The following BLMH variants were observed in gnomAD, a reference collection of about 807,000 sequenced individuals.
BLMH encodes the protein BLM hydrolase.
Under a neutral mutation model 61.6 loss-of-function variants are expected in BLMH, and 32 were observed. The ratio of observed to expected loss-of-function variants is 0.52; its 90% CI spans 0.39 to 0.70. BLMH has a LOEUF of 0.70. Ranked by LOEUF, BLMH falls within the 30% of genes least tolerant of loss-of-function variation. The pLI, the probability that BLMH is intolerant of heterozygous loss-of-function variation, is 0.00. For synonymous variants in BLMH, 183 were observed against 193.8 expected (o/e 0.94, Z 0.46); for missense variants, 460 against 555.5 (o/e 0.83, Z 1.73).
intron 4 of BLMH, 70 bp downstream of exon 4, chr17:30,287,736 T>G: frequency 1.3e-6 from 2 of 1,555,888 alleles, no homozygotes; most frequent in Non-Finnish European, 1.8e-6. Context: ...ACCAAAGAAT[T>G]GGCCCATGCC....
chr17:30,275,905 C>T (rs1908409675), intron 6 of BLMH, among the ~76,000 whole-genome samples: 1 of 152,160 alleles, frequency 6.6e-6, no homozygotes, highest in African/African-American at 2.4e-5. Flanking sequence ...CTATCACATT[C>T]AACAGAAACA....
intron 9 of BLMH, among the ~76,000 whole-genome samples, chr17:30,272,063 G>A (rs913939883): frequency 6.6e-6 from 1 of 152,106 alleles, no homozygotes; most frequent in Non-Finnish European, 1.5e-5. Context: ...AATAGAGAAT[G>A]GTGAACAGTC....
At chr17:30,265,340 A>C (rs566114779) in intron 11 of BLMH, among the ~76,000 whole-genome samples, 32 of 152,304 alleles carry the variant, frequency 2.1e-4, no homozygotes, top group African/African-American at 7.2e-4. Context: ...TTCAAAACTC[A>C]GCTTAACAGG....
chr17:30,282,186 T>C (rs1293549513), intron 6 of BLMH, among the ~76,000 whole-genome samples: 1 of 151,710 alleles, frequency 6.6e-6, no homozygotes, highest in Non-Finnish European at 1.5e-5. Context: ...GTTACCACCA[T>C]GCCTGGCTAT....
chr17:30,250,251 G>GCTT, intron 11 of BLMH: 1 of 152,284 alleles, frequency 6.6e-6, no homozygotes, highest in East Asian at 1.9e-4. Context: ...AAACTAAAAG[G>GCTT]CTTCTGCACA....
chr17:30,280,563 A>C (rs1297809782), intron 6 of BLMH, among the ~76,000 whole-genome samples: 1 of 152,214 alleles, frequency 6.6e-6, no homozygotes. Flanking sequence ...TGCAGCCTTG[A>C]ACTCCTGGGC....
chr17:30,283,518 C>CTT (rs531841262), intron 6 of BLMH, among the ~76,000 whole-genome samples: 110 of 127,046 alleles, frequency 8.7e-4, no homozygotes, highest in East Asian at 1.1e-3. Context: ...ATACCTCCAT[C>CTT]TTTTTTTTTT....
intron 11 of BLMH, among the ~76,000 whole-genome samples, chr17:30,251,013 T>G (rs965368356): frequency 6.6e-6 from 1 of 152,190 alleles, no homozygotes; most frequent in African/African-American, 2.4e-5. Flanking sequence ...ATGTTCTCAC[T>G]TATATAAGTT....
intron 11 of BLMH, chr17:30,250,027 C>T (rs1163738174): frequency 6.6e-6 from 1 of 152,242 alleles, no homozygotes; most frequent in Non-Finnish European, 1.5e-5. Flanking sequence ...ACTAGGCCAA[C>T]ACAAATTCCC....
At chr17:30,256,392 G>T (rs557154905) in intron 11 of BLMH, among the ~76,000 whole-genome samples, 1 of 152,290 alleles carries the variant, frequency 6.6e-6, no homozygotes, top group East Asian at 1.9e-4. Context: ...GCAGTGGCGT[G>T]ATCTCAGTTC....
At chr17:30,268,875 A>C (rs1908185784) in intron 10 of BLMH, among the ~76,000 whole-genome samples, 1 of 148,182 alleles carries the variant, frequency 6.7e-6, no homozygotes, top group Non-Finnish European at 1.5e-5. Flanking sequence ...TATCTCTACT[A>C]AAAATACAAA....
chr17:30,262,286 G>A (rs1237926424), intron 11 of BLMH, among the ~76,000 whole-genome samples: 1 of 152,140 alleles, frequency 6.6e-6, no homozygotes, highest in Non-Finnish European at 1.5e-5. Context: ...TCATAACTAA[G>A]TGAACCAATC....
chr17:30,260,599 G>C (rs1248452540), intron 11 of BLMH, among the ~76,000 whole-genome samples: 1 of 152,316 alleles, frequency 6.6e-6, no homozygotes, highest in African/African-American at 2.4e-5. Context: ...TTCTGAGAGG[G>C]CCGGGCGTGA....
At chr17:30,291,023 C>T in intron 2 of BLMH, 1 of 384,838 alleles carries the variant, frequency 2.6e-6, no homozygotes, top group Non-Finnish European at 4.8e-6. Flanking sequence ...CTCCAAGACA[C>T]GGGCTACAAA....
At chr17:30,252,634 G>A (rs1310103547) in intron 11 of BLMH, among the ~76,000 whole-genome samples, 1 of 151,770 alleles carries the variant, frequency 6.6e-6, no homozygotes, top group Non-Finnish European at 1.5e-5. Flanking sequence ...CCTAAACAGA[G>A]TGAGACCCTG....
intron 11 of BLMH, among the ~76,000 whole-genome samples, chr17:30,264,024 G>A (rs1027169186): frequency 1.3e-5 from 2 of 152,222 alleles, no homozygotes; most frequent in African/African-American, 4.8e-5. Flanking sequence ...GCCCTGCTGG[G>A]ATAAACACAT....
chr17:30,291,602 C>G (rs771954218), intron 1 of BLMH, 94 bp from the exon 2 acceptor site: 33 of 1,500,156 alleles, frequency 2.2e-5, no homozygotes, highest in Non-Finnish European at 3.0e-5. Flanking sequence ...GTAAGCGCAT[C>G]CTGGGGTGCC....
intron 9 of BLMH, chr17:30,272,279 TA>T (rs1908296997): frequency 4.4e-6 from 2 of 458,184 alleles, no homozygotes; most frequent in Non-Finnish European, 7.8e-6. Context: ...AATAGTCAAT[TA>T]TTTTTTTAAA....
At chr17:30,270,518 A>G (rs1351302962) in intron 10 of BLMH, among the ~76,000 whole-genome samples, 1 of 151,872 alleles carries the variant, frequency 6.6e-6, no homozygotes, top group Non-Finnish European at 1.5e-5. Flanking sequence ...AAAAAAAAAA[A>G]ATGATTTTCT....
Sources: gnomAD v4.1 joint callset for allele counts (sites outside exome capture counted in the v4.1 genomes callset) on GRCh38, gnomAD v4.1.1 for gene constraint, MANE v1.5 for transcripts, NCBI Gene and HGNC (gene_info 2026-07-23, HGNC 2026-07-21) for gene names.